DPP10: variants seen among roughly 807,000 people sequenced by gnomAD.
DPP10 encodes dipeptidyl peptidase like 10, also known as inactive dipeptidyl peptidase 10.
Under a neutral mutation model 120.9 loss-of-function variants are expected in DPP10, and 33 were observed. That is an observed-to-expected ratio of 0.27 (90% CI 0.21 to 0.37). DPP10 has a LOEUF of 0.37. Among genes scored for constraint, DPP10 ranks in the 10% least tolerant of loss-of-function variants. The pLI is 1.00. For missense variants in DPP10, 816 were observed against 942.8 expected, an observed-to-expected ratio of 0.87 and a Z score of 1.76; for synonymous variants, 337 against 326.1, an observed-to-expected ratio of 1.03 and a Z score of -0.36.
chr2:114,951,459 AT>A (rs1425741835), intron 1 of DPP10, among the ~76,000 whole-genome samples: 1 of 152,134 alleles, frequency 6.6e-6, no homozygotes, highest in Non-Finnish European at 1.5e-5. Flanking sequence ...TTAATTATAT[AT>A]GTTTAAAAAG....
chr2:114,477,792 T>C (rs2104652301), intron 1 of DPP10, among the ~76,000 whole-genome samples: 1 of 151,276 alleles, frequency 6.6e-6, no homozygotes, highest in African/African-American at 2.4e-5. Context: ...TGTATATATG[T>C]ATATGCACAT....
At chr2:115,499,379 T>C in intron 3 of DPP10, 131 bp from the exon 4 acceptor site, 1 of 647,026 alleles carries the variant, frequency 1.5e-6, no homozygotes, top group Non-Finnish European at 2.6e-6. Context: ...AGTACAGAAA[T>C]CTGCTTGGGT....
chr2:114,509,369 G>A (rs1046293788), intron 1 of DPP10, among the ~76,000 whole-genome samples: 16 of 152,028 alleles, frequency 1.1e-4, no homozygotes, highest in African/African-American at 3.4e-4. Context: ...TTCTTACATC[G>A]GATCACCAAA....
intron 5 of DPP10, among the ~76,000 whole-genome samples, chr2:115,548,902 TA>T (rs1212628473): frequency 3.3e-5 from 5 of 152,152 alleles, no homozygotes; most frequent in African/African-American, 1.2e-4. Context: ...CACCAAAATG[TA>T]ATGTTCTCTT....
chr2:115,515,055 T>G (rs138270006), intron 4 of DPP10, among the ~76,000 whole-genome samples: 6 of 152,030 alleles, frequency 3.9e-5, no homozygotes, highest in African/African-American at 1.4e-4. Context: ...ACTTAATGTA[T>G]CTTGAAGAGC....
At chr2:114,647,224 C>A (rs949902619) in intron 1 of DPP10, among the ~76,000 whole-genome samples, 1 of 152,198 alleles carries the variant, frequency 6.6e-6, no homozygotes, top group African/African-American at 2.4e-5. Context: ...TTTCTATCTT[C>A]CCTTGTTATC....
chr2:115,244,678 T>A (rs2058449972), intron 1 of DPP10, among the ~76,000 whole-genome samples: 1 of 151,840 alleles, frequency 6.6e-6, no homozygotes, highest in South Asian at 2.1e-4. Context: ...TGAATACATT[T>A]TAATGAGAAT....
chr2:115,003,623 CTA>C (rs755464282), intron 1 of DPP10, among the ~76,000 whole-genome samples: 3 of 151,918 alleles, frequency 2.0e-5, no homozygotes, highest in Non-Finnish European at 4.4e-5. Flanking sequence ...ATCAAGAGTT[CTA>C]GAGTAATTGT....
Position 115,167,355 on chromosome 2 carries a change from C to A in DPP10, c.61-141884C>A, listed in dbSNP as rs192261573. On this transcript the variant is annotated intron_variant, in intron 1 of 25. Coordinates refer to ENST00000410059, the MANE Select transcript of DPP10 (RefSeq NM_020868.6). ...GATAGATGGATTGAGCCTAGGAGTT[C>A]TAGACCAGCGTGGGCAACGTAATGT... Among the ~76,000 whole-genome samples, 436 of 151,342 alleles carry A rather than the reference C, an allele frequency of 2.9e-3. 1 individual carries two copies. The highest frequency in any genetic ancestry group is 4.8e-3 in the Non-Finnish European group (323 of 67,918).
intron 5 of DPP10, among the ~76,000 whole-genome samples, chr2:115,566,852 G>T (rs1438224264): frequency 6.6e-6 from 1 of 152,040 alleles, no homozygotes; most frequent in Non-Finnish European, 1.5e-5. Flanking sequence ...TAATTCATAG[G>T]ATATTCCCAT....
intron 1 of DPP10, among the ~76,000 whole-genome samples, chr2:115,186,231 C>T (rs1429411139): frequency 2.0e-5 from 3 of 152,274 alleles, no homozygotes; most frequent in Admixed American, 6.5e-5. Flanking sequence ...TTCTGTTTTA[C>T]GTGTAAACCC....
At chr2:115,449,385 G>A (rs1236607513) in intron 3 of DPP10, among the ~76,000 whole-genome samples, 1 of 151,984 alleles carries the variant, frequency 6.6e-6, no homozygotes, top group African/African-American at 2.4e-5. Context: ...CAAAAATGAG[G>A]AGTCTAGAGT....
intron 1 of DPP10, among the ~76,000 whole-genome samples, chr2:115,146,756 T>G (rs2051246212): frequency 6.6e-6 from 1 of 152,142 alleles, no homozygotes; most frequent in African/African-American, 2.4e-5. Context: ...GATTAGGTCA[T>G]AAAGGCAAAG....
At chr2:115,791,045 G>C (rs1200259813) in intron 17 of DPP10, 36 bp from the exon 18 acceptor site, 1 of 1,468,142 alleles carries the variant, frequency 6.8e-7, no homozygotes, top group Admixed American at 1.8e-5. Flanking sequence ...TAATGCATAG[G>C]GGTTAGCTAT....
At chr2:115,242,981 A>G (rs1159119766) in intron 1 of DPP10, among the ~76,000 whole-genome samples, 1 of 152,058 alleles carries the variant, frequency 6.6e-6, no homozygotes, top group East Asian at 1.9e-4. Flanking sequence ...TACTTCTATC[A>G]CTCATGTTAA....
intron 21 of DPP10, among the ~76,000 whole-genome samples, chr2:115,824,336 G>T (rs541570148): frequency 6.6e-6 from 1 of 151,944 alleles, no homozygotes; most frequent in Non-Finnish European, 1.5e-5. Flanking sequence ...TAAGTACCAC[G>T]GTACACGTGC....
At chr2:115,111,911 G>T (rs1573654858) in intron 1 of DPP10, among the ~76,000 whole-genome samples, 2 of 152,184 alleles carry the variant, frequency 1.3e-5, no homozygotes, top group African/African-American at 2.4e-5. Flanking sequence ...CTCAGTGTCT[G>T]ATGGGAAGTC....
At chr2:114,813,084 C>G (rs1411700283) in intron 1 of DPP10, among the ~76,000 whole-genome samples, 3 of 152,188 alleles carry the variant, frequency 2.0e-5, no homozygotes, top group African/African-American at 4.8e-5. Flanking sequence ...ATCTTCGTTT[C>G]CCTACTACAT....
chr2:115,712,566 A>ATATATAT (rs70941090), intron 7 of DPP10, among the ~76,000 whole-genome samples: 20 of 121,610 alleles, frequency 1.6e-4, no homozygotes, highest in East Asian at 6.2e-4. Flanking sequence ...ATATATATAT[A>ATATATAT]AAGAAACTGT....
Sources: allele counts gnomAD v4.1 joint callset (sites outside exome capture counted in the v4.1 genomes callset), GRCh38; gene constraint gnomAD v4.1.1; transcripts MANE v1.5; gene names NCBI Gene and HGNC (gene_info 2026-07-23, HGNC 2026-07-21).